The following POU1F1 variants were observed in gnomAD, a reference collection of about 807,000 sequenced individuals.
POU1F1 encodes POU class 1 homeobox 1.
In POU1F1, 23 loss-of-function variants were observed where a neutral mutation model predicts 32.3. The ratio of observed to expected loss-of-function variants is 0.71; its 90% CI spans 0.51 to 1.01. The LOEUF (loss-of-function observed/expected upper bound fraction) is 1.01. POU1F1 is among the 50% of genes least tolerant of loss of function. POU1F1 has a pLI of 0.00. For missense variants in POU1F1, 323 were observed against 341.6 expected (o/e 0.95, Z 0.43); for synonymous variants, 120 against 115.6 (o/e 1.04, Z -0.25).
chr3:87,275,996 T>C (rs373935715), intron 1 of POU1F1, among the ~76,000 whole-genome samples: 17 of 152,278 alleles, frequency 1.1e-4, no homozygotes, highest in African/African-American at 3.8e-4. Flanking sequence ...TCATTTCATT[T>C]GCTCCTTATT....
chr3:87,275,931 A>G (rs1012548413), intron 1 of POU1F1, among the ~76,000 whole-genome samples: 1 of 152,168 alleles, frequency 6.6e-6, no homozygotes, highest in Non-Finnish European at 1.5e-5. Flanking sequence ...TAACAACCGA[A>G]TAAACCTTTA....
chr3:87,268,084 C>CCTTTT (rs747971339), intron 2 of POU1F1, among the ~76,000 whole-genome samples: 1 of 116,468 alleles, frequency 8.6e-6, no homozygotes, highest in Non-Finnish European at 1.7e-5. Flanking sequence ...TTCCCTTTCC[C>CCTTTT]TTTTTTTTTT....
rs561349857 is a variant in POU1F1, at chr3:87,273,372, C to T, written c.189G>A (p.Gln63=). Reference sequence around the variant, plus strand: ...CTGCCATCACTCCATAGGTTGATGGCTGGTTTCCATAATGACAGGAAGGAA... The same window carrying T: ...CTGCCATCACTCCATAGGTTGATGGTTGGTTTCCATAATGACAGGAAGGAA... ...YSVPSCHYGN[Q]PSTYGVMAGS... Residue 63 remains glutamine (Q), a synonymous_variant, in exon 2 of 6, where the codon CAG becomes CAA. Transcript: ENST00000350375. 6 of 1,612,760 alleles carry T rather than the reference C, an allele frequency of 3.7e-6. No homozygotes were observed. The Admixed American group carries it at 8.4e-5, about 22-fold the overall frequency.
chr3:87,259,633 GACAGA>G lies in POU1F1; in HGVS notation c.*256_*260del. The G allele has an allele frequency of 5.5e-5, 24 of 435,170 alleles. No individual in the cohort carries two copies. Among genetic ancestry groups the G allele is most frequent in the Admixed American group, 1.9e-4 (5 of 26,078 alleles). 27.0% of individuals were successfully genotyped at this position (435,170 alleles called of 1,614,324 possible). A position where few individuals can be genotyped will look rare whatever the true frequency, so the allele number is the denominator to read the frequency against. ...TGTGTGTGAGAAAGAGAGCGGGAGAGACAGAGAGATCATTTTATTACTGTTAATAT... is the reference window on the plus strand; with the variant it reads ...TGTGTGTGAGAAAGAGAGCGGGAGAGGAGATCATTTTATTACTGTTAATAT... On this transcript the variant is annotated 3_prime_UTR_variant, in exon 6 of 6. Transcript: ENST00000350375.
At chr3:87,266,060 A>G (rs1489626035) in intron 2 of POU1F1, among the ~76,000 whole-genome samples, 2 of 150,808 alleles carry the variant, frequency 1.3e-5, no homozygotes, top group Non-Finnish European at 3.0e-5. Flanking sequence ...CTCCACACAT[A>G]CATTCTCAAA....
Position 87,259,761 on chromosome 3 carries a change from A to T in POU1F1, c.*133T>A. 1.4e-6 allele frequency: 1 copy of T among 729,044 alleles called. No individual in the cohort carries two copies. The highest frequency in any genetic ancestry group is 2.9e-5 in the Admixed American group (1 of 34,858). 45.2% of individuals were successfully genotyped at this position (729,044 alleles called of 1,614,324 possible). A position where few individuals can be genotyped will look rare whatever the true frequency, so the allele number is the denominator to read the frequency against. On this transcript the variant is annotated 3_prime_UTR_variant, in exon 6 of 6. Coordinates refer to ENST00000350375, the MANE Select transcript of POU1F1 (RefSeq NM_000306.4). Reference sequence around the variant, plus strand: ...TTGTTGGTTTCTTTTTTTTAAAAAAAAGTGGAAAAGTAAAGCTTCTGTAAA... The same window carrying T: ...TTGTTGGTTTCTTTTTTTTAAAAAATAGTGGAAAAGTAAAGCTTCTGTAAA...
intron 1 of POU1F1, 110 bp from the exon 2 acceptor site, chr3:87,273,528 C>T: frequency 6.6e-7 from 1 of 1,524,576 alleles, no homozygotes; most frequent in Non-Finnish European, 8.9e-7. Flanking sequence ...ATTCAAGACA[C>T]ATTCGTTTTA....
intron 5 of POU1F1, 98 bp from the exon 6 acceptor site, chr3:87,260,202 A>G (rs767356293): frequency 1.1e-6 from 1 of 920,722 alleles, no homozygotes; most frequent in Non-Finnish European, 1.7e-6. Flanking sequence ...CAATATTAAC[A>G]TGAAAAGGAA....
In POU1F1 at chr3:87,259,754, T is replaced by TAAA. The variant is rs368061882; in HGVS notation, c.*137_*139dup. ...ATTTAAATTGTTGGTTTCTTTTTTTTAAAAAAAAGTGGAAAAGTAAAGCTT... is the reference window on the plus strand; with the variant it reads ...ATTTAAATTGTTGGTTTCTTTTTTTTAAAAAAAAAAAGTGGAAAAGTAAAGCTT... On this transcript the variant is annotated 3_prime_UTR_variant, in exon 6 of 6. Transcript: ENST00000350375. 3.1e-6 allele frequency: 2 copies of TAAA among 654,074 alleles called. No homozygotes were observed. Among genetic ancestry groups the TAAA allele is most frequent in the Non-Finnish European group, 5.2e-6 (2 of 384,754 alleles). 40.5% of individuals were successfully genotyped at this position (654,074 alleles called of 1,614,324 possible).
chr3:87,273,411 T>G lies in POU1F1; in HGVS notation c.150A>C (p.Gly50=). 6.2e-7 allele frequency: 1 copy of G among 1,612,048 alleles called. No homozygotes were observed. The highest frequency in any genetic ancestry group is 1.1e-5 in the South Asian group (1 of 90,978). The change falls in exon 2 of 6, where the codon GGA becomes GGC. Residue 50 remains glycine, a synonymous_variant. Coordinates refer to ENST00000350375, the MANE Select transcript of POU1F1 (RefSeq NM_000306.4). ...GACAGGAAGGAACAGAATAATGAAGTCCTGTTGCTGTGTTTCCCAACGTTG... is the reference window on the plus strand; with the variant it reads ...GACAGGAAGGAACAGAATAATGAAGGCCTGTTGCTGTGTTTCCCAACGTTG... ...HATNVMSTAT[G]LHYSVPSCHY... is the part of the protein sequence containing the mutation.
rs560397832 is a variant in POU1F1, at chr3:87,267,323, A to G, written c.215-2811T>C. Among the ~76,000 whole-genome samples, 3 of 152,302 alleles carry G rather than the reference A, an allele frequency of 2.0e-5. No individual in the cohort carries two copies. In the South Asian group the frequency reaches 6.2e-4, roughly 32 times the overall value. Reference sequence around the variant, plus strand: ...ATGGAGGAAATTTAAGTAGAAAGAAAGTAAATAACTTGCCTCCAGTGCCCA... The same window carrying G: ...ATGGAGGAAATTTAAGTAGAAAGAAGGTAAATAACTTGCCTCCAGTGCCCA... On this transcript the variant is annotated intron_variant, in intron 2 of 5. Transcript: ENST00000350375.
At position 87,276,359 on chromosome 3, in the gene POU1F1, A is replaced by G. The variant is rs558209279; in HGVS notation, c.104T>C (p.Leu35Pro). 7.2e-5 allele frequency: 117 copies of G among 1,613,918 alleles called. No homozygotes were observed. In the South Asian group the frequency reaches 1.2e-3, roughly 17 times the overall value. Residue 35 changes from leucine (L) to proline (P), a missense_variant, in exon 1 of 6, where the codon CTA (leucine) becomes CCA (proline). Leu to Pro is a moderately conservative substitution (Grantham distance 98). Transcript: ENST00000350375. ...LIMHHSAAEC[L>P]PVSNHATNVM... The stretch of plus-strand genomic sequence containing the variant: ...ATTGGTGGCATGGTTGGAGACTGGT[A>G]GACACTCGGCAGCACTGTGATGCAT...
At chr3:87,268,924 G>T (rs542036590) in intron 2 of POU1F1, among the ~76,000 whole-genome samples, 3 of 152,230 alleles carry the variant, frequency 2.0e-5, no homozygotes, top group Admixed American at 6.5e-5. Flanking sequence ...GCCTTACTAG[G>T]CGCTGACTCA....
chr3:87,271,904 A>C (rs186069819), intron 2 of POU1F1, among the ~76,000 whole-genome samples: 83 of 152,242 alleles, frequency 5.5e-4, no homozygotes, highest in Middle Eastern at 3.4e-3. Flanking sequence ...ATGTTGCTTG[A>C]TAGAATGTAG....
chr3:87,271,420 T>C (rs1368987268), intron 2 of POU1F1, among the ~76,000 whole-genome samples: 1 of 152,168 alleles, frequency 6.6e-6, no homozygotes, highest in African/African-American at 2.4e-5. Context: ...CAGAGATTAT[T>C]GGCCCCTGCT....
Position 87,273,323 on chromosome 3 carries a change from C to T in POU1F1, c.214+24G>A, listed in dbSNP as rs1706761016. 5.6e-6 allele frequency: 9 copies of T among 1,601,112 alleles called. No homozygotes were observed. In the East Asian group the frequency reaches 1.8e-4, roughly 32 times the overall value. On this transcript the variant is annotated intron_variant, in intron 2 of 5. Coordinates refer to ENST00000350375, the MANE Select transcript of POU1F1 (RefSeq NM_000306.4). ...ATCTAAGTGTCCCCAAATTCAATAA[C>T]ATGTAAAAGACAACTTTTCTTACCT... is the stretch of plus-strand genomic sequence containing the variant.
At chr3:87,265,396 C>T (rs2106931369) in intron 2 of POU1F1, among the ~76,000 whole-genome samples, 1 of 152,154 alleles carries the variant, frequency 6.6e-6, no homozygotes, top group Non-Finnish European at 1.5e-5. Context: ...GAAATTATTA[C>T]ACAATTGCTT....
intron 1 of POU1F1, among the ~76,000 whole-genome samples, chr3:87,274,184 G>T (rs300978): frequency 0.38 from 58,242 of 151,780 alleles, 11,743 homozygotes; most frequent in South Asian, 0.57. Context: ...CCATAAAGCC[G>T]TACATAAACA....
chr3:87,264,543 A>G (rs1377502945), intron 2 of POU1F1, 31 bp from the exon 3 acceptor site: 1 of 1,499,370 alleles, frequency 6.7e-7, no homozygotes, highest in East Asian at 2.3e-5. Context: ...AAAATGAAAA[A>G]GACCATTTGT....
Sources: gnomAD v4.1 joint callset for allele counts (sites outside exome capture counted in the v4.1 genomes callset) on GRCh38, gnomAD v4.1.1 for gene constraint, MANE v1.5 for transcripts, NCBI Gene and HGNC (gene_info 2026-07-23, HGNC 2026-07-21) for gene names.